The following ENO1 variants were observed in gnomAD, a reference collection of about 807,000 sequenced individuals.
The protein encoded by ENO1 is alpha-enolase.
A neutral mutation model predicts 46.3 loss-of-function variants in ENO1; 33 were observed. That is an observed-to-expected ratio of 0.71 (90% CI 0.54 to 0.95). The LOEUF (loss-of-function observed/expected upper bound fraction) is 0.95, where lower values mean the gene tolerates loss of function less well. Among genes scored for constraint, ENO1 ranks in the 40% least tolerant of loss-of-function variants. The pLI is 0.00. For synonymous variants in ENO1, 220 were observed against 216.0 expected, an observed-to-expected ratio of 1.02 and a Z score of -0.16; for missense variants, 488 against 553.3, an observed-to-expected ratio of 0.88 and a Z score of 1.18.
At position 8,866,462 on chromosome 1, in the gene ENO1, T is replaced by G. The variant is rs566372119; in HGVS notation, c.484A>C (p.Lys162Gln). 1 of 1,614,222 alleles carries G rather than the reference T, an allele frequency of 6.2e-7. No individual in the cohort carries two copies. The highest frequency in any genetic ancestry group is 1.3e-5 in the African/African-American group (1 of 75,052). ...VINGGSHAGNKLAMQEFMILP... is the reference protein window; with the variant it reads ...VINGGSHAGNQLAMQEFMILP... ...ATCATGAACTCCTGCATGGCCAGCT[T>G]GTTGCCAGCATGAGAACCGCCATTG... Residue 162 changes from lysine (K) to glutamine (Q), a missense_variant, in exon 7 of 12, where the codon AAG becomes CAG. By Grantham distance (53) the Lys-to-Gln change is moderately conservative. Coordinates refer to ENST00000234590, the MANE Select transcript of ENO1 (RefSeq NM_001428.5).
At position 8,861,307 on chromosome 1, in the gene ENO1, G is replaced by A; in HGVS notation, c.*53C>T. On this transcript the variant is annotated 3_prime_UTR_variant, in exon 12 of 12. Transcript: ENST00000234590. Reference sequence around the variant, plus strand: ...CCTCGAGCTGCCTGAGCTGACACGAGGGGAGGGGTCTGTGTAGCCAACAGG... The same window carrying A: ...CCTCGAGCTGCCTGAGCTGACACGAAGGGAGGGGTCTGTGTAGCCAACAGG... 13 of 1,591,986 alleles carry A rather than the reference G, an allele frequency of 8.2e-6. No homozygotes were observed. Among genetic ancestry groups the A allele is most frequent in the Non-Finnish European group, 9.5e-6 (11 of 1,161,672 alleles).
In ENO1 at chr1:8,871,877, G is replaced by A; in HGVS notation, c.181+14C>T. Reference sequence around the variant, plus strand: ...GAAGCAGGGAGGCCATGGGCTGTGGGTTCTAAGGCTTACCCTTCCCCATAT... The same window carrying A: ...GAAGCAGGGAGGCCATGGGCTGTGGATTCTAAGGCTTACCCTTCCCCATAT... On this transcript the variant is annotated intron_variant, in intron 3 of 11. Coordinates refer to ENST00000234590, the MANE Select transcript of ENO1 (RefSeq NM_001428.5). The A allele has an allele frequency of 1.2e-6, 2 of 1,612,446 alleles. No individual in the cohort carries two copies. Among genetic ancestry groups the A allele is most frequent in the Non-Finnish European group, 1.7e-6 (2 of 1,179,162 alleles).
At chr1:8,863,036 C>T in intron 10 of ENO1, 91 bp from the exon 11 acceptor site, 1 of 1,516,154 alleles carries the variant, frequency 6.6e-7, no homozygotes, top group Non-Finnish European at 9.0e-7. Flanking sequence ...GAGAGAATTT[C>T]TAGAGGATCT....
chr1:8,875,233 C>CA (rs532580511), intron 1 of ENO1, among the ~76,000 whole-genome samples: 1 of 148,456 alleles, frequency 6.7e-6, no homozygotes, highest in African/African-American at 2.5e-5. Flanking sequence ...TGATTTTTCA[C>CA]AAAAAAAGAT....
At chr1:8,867,939 G>T in intron 5 of ENO1, 49 bp downstream of exon 5, 1 of 1,541,338 alleles carries the variant, frequency 6.5e-7, no homozygotes, top group South Asian at 1.1e-5. Context: ...AAAATCTTCA[G>T]GAGACTTCAT....
intron 8 of ENO1, among the ~76,000 whole-genome samples, chr1:8,864,882 T>C (rs1339860361): frequency 6.6e-6 from 1 of 152,182 alleles, no homozygotes; most frequent in Non-Finnish European, 1.5e-5. Flanking sequence ...TGTAGAAAGG[T>C]GGTCACAGTC....
chr1:8,873,189 G>A (rs1361184545), intron 2 of ENO1, among the ~76,000 whole-genome samples: 2 of 152,144 alleles, frequency 1.3e-5, no homozygotes, highest in Non-Finnish European at 2.9e-5. Flanking sequence ...TGATGATAAC[G>A]TGTTCACGCA....
At chr1:8,872,498 T>C (rs1349516151) in intron 2 of ENO1, among the ~76,000 whole-genome samples, 1 of 151,506 alleles carries the variant, frequency 6.6e-6, no homozygotes, top group Non-Finnish European at 1.5e-5. Flanking sequence ...TTCTCCTGCA[T>C]CAGGCTCCCC....
chr1:8,869,026 C>A (rs1333239564), intron 4 of ENO1, among the ~76,000 whole-genome samples: 2 of 152,114 alleles, frequency 1.3e-5, no homozygotes, highest in Non-Finnish European at 2.9e-5. Context: ...ATATTAATAA[C>A]AAGGCATTAT....
At chr1:8,873,711 G>C (rs927804348) in intron 2 of ENO1, 1 of 152,298 alleles carries the variant, frequency 6.6e-6, no homozygotes, top group African/African-American at 2.4e-5. Context: ...TCTTCCTGAG[G>C]GGGAGGGGAG....
At chr1:8,874,419 A>C (rs1481077779) in intron 2 of ENO1, among the ~76,000 whole-genome samples, 1 of 151,872 alleles carries the variant, frequency 6.6e-6, no homozygotes, top group African/African-American at 2.4e-5. Flanking sequence ...CTCTCCCAAA[A>C]ATGCAAAAAT....
At chr1:8,871,545 C>A in intron 3 of ENO1, 2 of 1,067,312 alleles carry the variant, frequency 1.9e-6, no homozygotes, top group Non-Finnish European at 2.3e-6. Flanking sequence ...CCACAGAACC[C>A]TCCTGGGAGA....
At chr1:8,865,603 T>G in intron 7 of ENO1, 121 bp from the exon 8 acceptor site, 1 of 912,182 alleles carries the variant, frequency 1.1e-6, no homozygotes, top group Non-Finnish European at 1.7e-6. Flanking sequence ...CCCCAACCAG[T>G]AGTTCTGACA....
chr1:8,865,353 T>C lies in ENO1; in HGVS notation c.797A>G (p.Asp266Gly). ...GTCAGGCGAGATGTACCTGCTGGGGTCATCGGGAGACTTGAAGTCCAGGTC... is the reference window on the plus strand; with the variant it reads ...GTCAGGCGAGATGTACCTGCTGGGGCCATCGGGAGACTTGAAGTCCAGGTC... Reference protein sequence around the residue: ...KYDLDFKSPDDPSRYISPDQL... With the variant: ...KYDLDFKSPDGPSRYISPDQL... Residue 266 changes from aspartate to glycine, a missense_variant, in exon 8 of 12, where the codon GAC becomes GGC. Physicochemically the swap from Asp to Gly is moderately conservative, Grantham distance 94 (BLOSUM62 -1). Coordinates refer to ENST00000234590, the MANE Select transcript of ENO1 (RefSeq NM_001428.5). 1.2e-6 allele frequency: 2 copies of C among 1,614,026 alleles called. No homozygotes were observed. Among genetic ancestry groups the C allele is most frequent in the Non-Finnish European group, 1.7e-6 (2 of 1,180,008 alleles).
intron 2 of ENO1, chr1:8,874,109 T>A (rs1367592653): frequency 1.3e-5 from 2 of 152,148 alleles, no homozygotes; most frequent in Non-Finnish European, 2.9e-5. Flanking sequence ...ACACCTGCTA[T>A]CCCTCCCCTT....
At position 8,865,295 on chromosome 1, in the gene ENO1, C is replaced by T. The variant is rs1642486084; in HGVS notation, c.855G>A (p.Lys285=). 2 of 1,614,008 alleles carry T rather than the reference C, an allele frequency of 1.2e-6. No individual in the cohort carries two copies. ...QLADLYKSFI[K]DYPVVSIEDP... ...TCGGGGAACACTCACCTGGGTAGTCCTTGATGAAGGACTTGTACAGGTCAG... is the reference window on the plus strand; with the variant it reads ...TCGGGGAACACTCACCTGGGTAGTCTTTGATGAAGGACTTGTACAGGTCAG... The change falls in exon 8 of 12, where the codon AAG becomes AAA. Residue 285 remains lysine, a synonymous_variant. Coordinates refer to ENST00000234590, the MANE Select transcript of ENO1 (RefSeq NM_001428.5).
chr1:8,877,440 C>T (rs1642758064), intron 1 of ENO1: 1 of 152,264 alleles, frequency 6.6e-6, no homozygotes, highest in Non-Finnish European at 1.5e-5. Flanking sequence ...GAATTAGGGA[C>T]ACGGTAAATG....
intron 1 of ENO1, among the ~76,000 whole-genome samples, chr1:8,876,957 G>A (rs1642746399): frequency 6.6e-6 from 1 of 151,632 alleles, no homozygotes; most frequent in Non-Finnish European, 1.5e-5. Context: ...TCCCGAGTAG[G>A]TGGGATTACA....
intron 4 of ENO1, among the ~76,000 whole-genome samples, chr1:8,869,613 G>A (rs974111108): frequency 6.6e-6 from 1 of 152,144 alleles, no homozygotes; most frequent in Non-Finnish European, 1.5e-5. Flanking sequence ...AGGCTGGAGT[G>A]CAGTGGCACA....
Sources: gnomAD v4.1 joint callset for allele counts (sites outside exome capture counted in the v4.1 genomes callset) on GRCh38, gnomAD v4.1.1 for gene constraint, MANE v1.5 for transcripts, NCBI Gene and HGNC (gene_info 2026-07-23, HGNC 2026-07-21) for gene names.